UBE2G1: variants seen among roughly 807,000 people sequenced by gnomAD.
The protein encoded by UBE2G1 is ubiquitin conjugating enzyme E2 G1.
In UBE2G1, 5 loss-of-function variants were observed where a neutral mutation model predicts 22.7. The ratio of observed to expected loss-of-function variants is 0.22; its 90% CI spans 0.12 to 0.46. The LOEUF (loss-of-function observed/expected upper bound fraction) is 0.46, where lower values mean the gene tolerates loss of function less well. Ranked by LOEUF, UBE2G1 falls within the 20% of genes least tolerant of loss-of-function variation. The pLI is 0.99. For missense variants in UBE2G1, 88 were observed against 203.9 expected, an observed-to-expected ratio of 0.43 and a Z score of 3.46; for synonymous variants, 74 against 67.5, an observed-to-expected ratio of 1.10 and a Z score of -0.47.
intron 1 of UBE2G1, among the ~76,000 whole-genome samples, chr17:4,350,054 T>G (rs1461006041): frequency 6.6e-6 from 1 of 152,098 alleles, no homozygotes; most frequent in Non-Finnish European, 1.5e-5. Flanking sequence ...TCCCAAAATG[T>G]TGGGATTACA....
chr17:4,273,759 C>G (rs1258338923), intron 5 of UBE2G1, among the ~76,000 whole-genome samples: 2 of 152,058 alleles, frequency 1.3e-5, no homozygotes, highest in Admixed American at 1.3e-4. Flanking sequence ...AAGGAAACAC[C>G]TATTAGGACT....
At position 4,335,911 on chromosome 17, in the gene UBE2G1, C is replaced by G. The variant is rs979525318; in HGVS notation, c.47-28788G>C. Among the ~76,000 whole-genome samples the G allele has an allele frequency of 2.0e-5, 3 of 152,100 alleles. No individual in the cohort carries two copies. In the South Asian group the frequency reaches 6.2e-4, roughly 31 times the overall value. On this transcript the variant is annotated intron_variant, in intron 1 of 5. Transcript: ENST00000396981. ...CTATAATCCCAGCACTTTGGGAGGC[C>G]AAGGCGGGAGGATCACTTGAGGTCA...
At chr17:4,353,256 A>T (rs1969866403) in intron 1 of UBE2G1, among the ~76,000 whole-genome samples, 1 of 152,008 alleles carries the variant, frequency 6.6e-6, no homozygotes. Context: ...TTGAAAGAAA[A>T]ATAAGGACCT....
intron 5 of UBE2G1, among the ~76,000 whole-genome samples, chr17:4,280,228 G>C (rs1968870933): frequency 1.3e-5 from 2 of 151,076 alleles, no homozygotes; most frequent in Admixed American, 6.6e-5. Context: ...GTAGAGACGA[G>C]GTTTCACCAT....
intron 1 of UBE2G1, among the ~76,000 whole-genome samples, chr17:4,334,664 C>T (rs1057054828): frequency 1.3e-5 from 2 of 152,020 alleles, no homozygotes; most frequent in African/African-American, 4.8e-5. Context: ...CTCAGCCTCC[C>T]GAGTAGCTAG....
At chr17:4,341,660 C>T (rs1022792374) in intron 1 of UBE2G1, among the ~76,000 whole-genome samples, 3 of 152,290 alleles carry the variant, frequency 2.0e-5, no homozygotes, top group African/African-American at 4.8e-5. Flanking sequence ...CACCCCTTCA[C>T]GGTACAACTT....
At chr17:4,320,294 G>GT (rs1160858965) in intron 1 of UBE2G1, among the ~76,000 whole-genome samples, 1 of 152,066 alleles carries the variant, frequency 6.6e-6, no homozygotes, top group Non-Finnish European at 1.5e-5. Flanking sequence ...AAGTCAGTGG[G>GT]TTCTATCAAG....
intron 1 of UBE2G1, among the ~76,000 whole-genome samples, chr17:4,338,195 A>G (rs1386277340): frequency 6.6e-6 from 1 of 151,876 alleles, no homozygotes; most frequent in Non-Finnish European, 1.5e-5. Context: ...AAAACAACTT[A>G]GGCGCTATAT....
At chr17:4,329,224 C>T (rs557138146) in intron 1 of UBE2G1, among the ~76,000 whole-genome samples, 1 of 150,890 alleles carries the variant, frequency 6.6e-6, no homozygotes, top group African/African-American at 2.4e-5. Context: ...CATGGTGAAA[C>T]CCCGTCTCTA....
At chr17:4,321,255 T>C (rs550530707) in intron 1 of UBE2G1, among the ~76,000 whole-genome samples, 4 of 152,034 alleles carry the variant, frequency 2.6e-5, no homozygotes, top group African/African-American at 7.2e-5. Flanking sequence ...AAGGAACATA[T>C]ATATCAAGCC....
At chr17:4,359,702 A>C (rs962634863) in intron 1 of UBE2G1, among the ~76,000 whole-genome samples, 1 of 152,164 alleles carries the variant, frequency 6.6e-6, no homozygotes, top group African/African-American at 2.4e-5. Flanking sequence ...AAATACAAAA[A>C]TGATCCAGGG....
intron 5 of UBE2G1, among the ~76,000 whole-genome samples, chr17:4,274,199 C>CT (rs11426758): frequency 0.63 from 63,472 of 101,104 alleles, 21,678 homozygotes; most frequent in East Asian, 0.79. Flanking sequence ...CCAGGATGGT[C>CT]TTTTTTTTTT....
chr17:4,315,453 A>G (rs1013432126), intron 1 of UBE2G1, among the ~76,000 whole-genome samples: 1 of 152,094 alleles, frequency 6.6e-6, no homozygotes, highest in Admixed American at 6.5e-5. Flanking sequence ...AAAATAAGCT[A>G]CTTTTGGCCG....
rs187116842 is a variant in UBE2G1 at position 4,270,960 on chromosome 17, C to T, written c.*1594G>A. On this transcript the variant is annotated 3_prime_UTR_variant, in exon 6 of 6. Transcript: ENST00000396981. Reference sequence around the variant, plus strand: ...CCAAACCCCACAGAGCAGAGATGCACGAATTCTCACTGATTCTCACAATCA... The same window carrying T: ...CCAAACCCCACAGAGCAGAGATGCATGAATTCTCACTGATTCTCACAATCA... 2 of 152,306 alleles carry T rather than the reference C, an allele frequency of 1.3e-5. No homozygotes were observed. The highest frequency in any genetic ancestry group is 2.1e-4 in the South Asian group (1 of 4,828). 9.4% of individuals were successfully genotyped at this position (152,306 alleles called of 1,614,324 possible).
At chr17:4,337,952 C>T (rs1373641100) in intron 1 of UBE2G1, among the ~76,000 whole-genome samples, 1 of 152,032 alleles carries the variant, frequency 6.6e-6, no homozygotes, top group Non-Finnish European at 1.5e-5. Flanking sequence ...GGTTGGATCA[C>T]GAGGTCAGGA....
At chr17:4,318,357 C>T (rs762122639) in intron 1 of UBE2G1, among the ~76,000 whole-genome samples, 20 of 152,140 alleles carry the variant, frequency 1.3e-4, no homozygotes, top group Non-Finnish European at 2.6e-4. Context: ...TCTAGTAGGA[C>T]TGCCAAACAA....
chr17:4,293,137 C>G (rs1283184743), intron 3 of UBE2G1, among the ~76,000 whole-genome samples: 1 of 152,038 alleles, frequency 6.6e-6, no homozygotes, highest in Non-Finnish European at 1.5e-5. Context: ...ATTCCTCAAT[C>G]CCCCCCACCT....
intron 1 of UBE2G1, chr17:4,364,292 T>TCTTC (rs1555524326): frequency 7.2e-6 from 1 of 138,286 alleles, no homozygotes; most frequent in Non-Finnish European, 1.6e-5. Context: ...GCAATAAAGT[T>TCTTC]CTTTTTTTTT....
intron 1 of UBE2G1, among the ~76,000 whole-genome samples, chr17:4,364,724 C>G (rs138626149): frequency 6.6e-6 from 1 of 152,144 alleles, no homozygotes; most frequent in African/African-American, 2.4e-5. Flanking sequence ...GGATTACAGG[C>G]GCCCTCCGCC....
Sources: allele counts gnomAD v4.1 joint callset (sites outside exome capture counted in the v4.1 genomes callset), GRCh38; gene constraint gnomAD v4.1.1; transcripts MANE v1.5; gene names NCBI Gene and HGNC (gene_info 2026-07-23, HGNC 2026-07-21).